The following RFTN1 variants were observed in gnomAD, a reference collection of about 807,000 sequenced individuals.
The protein encoded by RFTN1 is raftlin, lipid raft linker 1, also known as raftlin.
In RFTN1, 26 loss-of-function variants were observed where a neutral mutation model predicts 46.5. That is an observed-to-expected ratio of 0.56 (90% CI 0.41 to 0.78). The LOEUF (loss-of-function observed/expected upper bound fraction) is 0.78. Among genes scored for constraint, RFTN1 ranks in the 30% least tolerant of loss-of-function variants. The pLI is 0.00. For missense variants in RFTN1, 693 were observed against 718.7 expected, an observed-to-expected ratio of 0.96 and a Z score of 0.41; for synonymous variants, 261 against 284.2, an observed-to-expected ratio of 0.92 and a Z score of 0.82.
chr3:16,464,617 GCA>G (rs142831358), intron 2 of RFTN1, among the ~76,000 whole-genome samples: 5,028 of 152,320 alleles, frequency 0.033, 128 homozygotes, highest in Middle Eastern at 0.061. Flanking sequence ...ATATTTTAGA[GCA>G]CAGTTTGCCA....
intron 7 of RFTN1, among the ~76,000 whole-genome samples, chr3:16,340,434 A>G (rs1038047777): frequency 2.0e-5 from 3 of 152,254 alleles, no homozygotes; most frequent in African/African-American, 7.2e-5. Context: ...TAGATCATTC[A>G]GCTACCAGCT....
chr3:16,322,528 A>T lies in RFTN1; in HGVS notation c.1332+848T>A, dbSNP rs947852680. Among the ~76,000 whole-genome samples, 1 of 152,202 alleles carries T rather than the reference A, an allele frequency of 6.6e-6. No individual in the cohort carries two copies. Among genetic ancestry groups the T allele is most frequent in the Non-Finnish European group, 1.5e-5 (1 of 68,038 alleles). On this transcript the variant is annotated intron_variant, in intron 9 of 9. Coordinates refer to ENST00000334133, the MANE Select transcript of RFTN1 (RefSeq NM_015150.2). The surrounding 1 kb of genome is among the most constrained non-coding windows in gnomAD (Gnocchi z 6.2). Reference sequence around the variant, plus strand: ...CAGCCATCAAAGGTGCAGTGAGCTGAATCCAGGTGATGCCTGACTCAGGCT... The same window carrying T: ...CAGCCATCAAAGGTGCAGTGAGCTGTATCCAGGTGATGCCTGACTCAGGCT...
chr3:16,481,300 C>T lies in RFTN1; in HGVS notation c.145+12425G>A, dbSNP rs573252554. On this transcript the variant is annotated intron_variant, in intron 2 of 9. Transcript: ENST00000334133. This position sits in a 1 kb window ranked among gnomAD's most constrained non-coding sequence, Gnocchi z 5.1. ...CTTTGCTCAGAAAAACTTAAAGCTA[C>T]GTCACACATATTATCTCATTTATCT... is the stretch of plus-strand genomic sequence containing the variant. Among the ~76,000 whole-genome samples the T allele has an allele frequency of 3.9e-5, 6 of 152,284 alleles. No individual in the cohort carries two copies. The East Asian group carries it at 7.7e-4, about 20-fold the overall frequency.
chr3:16,368,871 G>A (rs903819831), intron 6 of RFTN1, among the ~76,000 whole-genome samples: 1 of 152,160 alleles, frequency 6.6e-6, no homozygotes. Flanking sequence ...CGCCATACTG[G>A]ACAACCCAGG....
At chr3:16,430,556 C>A (rs1255349388) in intron 3 of RFTN1, among the ~76,000 whole-genome samples, 1 of 152,080 alleles carries the variant, frequency 6.6e-6, no homozygotes, top group African/African-American at 2.4e-5. Flanking sequence ...CAACCTCCAC[C>A]ACTCCTCCCA....
At chr3:16,423,593 T>C (rs183844235) in intron 3 of RFTN1, among the ~76,000 whole-genome samples, 1 of 152,166 alleles carries the variant, frequency 6.6e-6, no homozygotes, top group South Asian at 2.1e-4. Flanking sequence ...ATAAAGATAA[T>C]ATATATCATG....
chr3:16,378,583 A>G (rs559515974), intron 4 of RFTN1, among the ~76,000 whole-genome samples: 1 of 152,304 alleles, frequency 6.6e-6, no homozygotes, highest in South Asian at 2.1e-4. Flanking sequence ...TTATGGCCCA[A>G]AGAGCTTCCT....
chr3:16,508,209 C>T (rs940754178), intron 1 of RFTN1, among the ~76,000 whole-genome samples: 17 of 152,308 alleles, frequency 1.1e-4, no homozygotes, highest in Admixed American at 7.8e-4. Context: ...GTGACAGCCA[C>T]AGTACCAGCC....
At chr3:16,354,226 CAG>C (rs1280113620) in intron 7 of RFTN1, among the ~76,000 whole-genome samples, 3 of 152,144 alleles carry the variant, frequency 2.0e-5, no homozygotes, top group African/African-American at 4.8e-5. Context: ...GGGTCATGCC[CAG>C]AGAGTTATGA....
chr3:16,487,072 T>C (rs2076459561), intron 2 of RFTN1, among the ~76,000 whole-genome samples: 1 of 152,052 alleles, frequency 6.6e-6, no homozygotes, highest in Non-Finnish European at 1.5e-5. Flanking sequence ...AACCCAACCA[T>C]GCTGGCACCT....
In RFTN1 at chr3:16,357,991, C is replaced by A. The variant is rs141504695; in HGVS notation, c.1087G>T (p.Asp363Tyr). Reference sequence around the variant, plus strand: ...TCATAGCCCTGTATGGTTTTGCTATCTTCTGTGGAAACAGCTTCAAAGATG... The same window carrying A: ...TCATAGCCCTGTATGGTTTTGCTATATTCTGTGGAAACAGCTTCAAAGATG... ...VFIFEAVSTE[D>Y]SKTIQGYDAI... The change falls in exon 7 of 10, where the codon GAT (aspartate) becomes TAT (tyrosine). Residue 363 changes from aspartate to tyrosine, a missense_variant. By Grantham distance (160) the Asp-to-Tyr change is radical. Coordinates refer to ENST00000334133, the MANE Select transcript of RFTN1 (RefSeq NM_015150.2). 2 of 1,598,634 alleles carry A rather than the reference C, an allele frequency of 1.3e-6. No individual in the cohort carries two copies. The highest frequency in any genetic ancestry group is 1.7e-6 in the Non-Finnish European group (2 of 1,173,058).
In RFTN1 at chr3:16,367,440, T is replaced by C. The variant is rs147678996; in HGVS notation, c.1030+2636A>G. ...AAGACATATAAAGGGTGAAATGGTGTTTAAAGTCAGAGTGGGTTTCAATTC... is the reference window on the plus strand; with the variant it reads ...AAGACATATAAAGGGTGAAATGGTGCTTAAAGTCAGAGTGGGTTTCAATTC... On this transcript the variant is annotated intron_variant, in intron 6 of 9. Transcript: ENST00000334133. 8.9e-3 allele frequency among the ~76,000 whole-genome samples: 1,349 copies of C among 152,290 alleles called. 15 individuals are homozygous for C. Among genetic ancestry groups the C allele is most frequent in the Non-Finnish European group, 0.016 (1,101 of 68,026 alleles).
Position 16,361,890 on chromosome 3 carries a change from C to T in RFTN1, c.1031-3843G>A, listed in dbSNP as rs566047383. 5.3e-5 allele frequency among the ~76,000 whole-genome samples: 8 copies of T among 152,330 alleles called. No individual in the cohort carries two copies. The highest frequency in any genetic ancestry group is 2.1e-4 in the South Asian group (1 of 4,826). ...TGAAGGACAAATGGAGCAGAGCTGC[C>T]GCAGTGGAGCCCAGCTGAGACCAGT... On this transcript the variant is annotated intron_variant, in intron 6 of 9. Coordinates refer to ENST00000334133, the MANE Select transcript of RFTN1 (RefSeq NM_015150.2). This position sits in a 1 kb window ranked among gnomAD's most constrained non-coding sequence, Gnocchi z 4.3.
chr3:16,511,021 G>T (rs1271624706), intron 1 of RFTN1, among the ~76,000 whole-genome samples: 2 of 152,164 alleles, frequency 1.3e-5, no homozygotes, highest in African/African-American at 4.8e-5. Flanking sequence ...AATATGGTGA[G>T]CTTTACACAA....
At chr3:16,403,659 ATTTTATG>A in intron 4 of RFTN1, among the ~76,000 whole-genome samples, 1 of 32,746 alleles carries the variant, frequency 3.1e-5, no homozygotes, top group Non-Finnish European at 5.1e-5. Context: ...TATAATATAT[ATTTTATG>A]TATATAATAT....
At chr3:16,482,303 A>C (rs1398116038) in intron 2 of RFTN1, among the ~76,000 whole-genome samples, 1 of 152,216 alleles carries the variant, frequency 6.6e-6, no homozygotes, top group African/African-American at 2.4e-5. Context: ...AATTGAGCTA[A>C]AGTATATCAA....
At chr3:16,415,436 C>T (rs1237693047) in intron 3 of RFTN1, among the ~76,000 whole-genome samples, 8 of 98,990 alleles carry the variant, frequency 8.1e-5, no homozygotes, top group Non-Finnish European at 1.9e-4. Flanking sequence ...TATATACACA[C>T]ACACACACAC....
chr3:16,357,857 AC>A (rs2072552524), intron 7 of RFTN1, 74 bp downstream of exon 7: 1 of 918,278 alleles, frequency 1.1e-6, no homozygotes, highest in Non-Finnish European at 1.8e-6. Flanking sequence ...CCACAGCCCC[AC>A]GGTCAGATCA....
intron 4 of RFTN1, among the ~76,000 whole-genome samples, chr3:16,397,771 G>A (rs927389035): frequency 7.2e-6 from 1 of 138,940 alleles, no homozygotes; most frequent in Non-Finnish European, 1.6e-5. Flanking sequence ...ATTTGGTCTC[G>A]GTCTCTCTCC....
Sources: allele counts gnomAD v4.1 joint callset (sites outside exome capture counted in the v4.1 genomes callset), GRCh38; gene constraint gnomAD v4.1.1; non-coding constraint Gnocchi (gnomAD v3.1); transcripts MANE v1.5; gene names NCBI Gene and HGNC (gene_info 2026-07-23, HGNC 2026-07-21).